CARD14: variants seen among roughly 807,000 people sequenced by gnomAD.
CARD14 encodes the protein caspase recruitment domain family member 14.
CARD14 carries 107 observed loss-of-function variants against 111.5 expected under a neutral mutation model. The ratio of observed to expected loss-of-function variants is 0.96; its 90% confidence interval spans 0.82 to 1.13. The LOEUF is 1.13. Ranked by LOEUF, CARD14 falls within the 50% of genes most tolerant of loss-of-function variation. The pLI, the probability that CARD14 is intolerant of heterozygous loss-of-function variation, is 0.00. For synonymous variants in CARD14, 617 were observed against 579.6 expected (o/e 1.06, Z -0.93); for missense variants, 1,322 against 1,362.3 (o/e 0.97, Z 0.47).
intron 2 of CARD14, among the ~76,000 whole-genome samples, chr17:80,174,765 G>A (rs2039985009): frequency 6.6e-6 from 1 of 152,100 alleles, no homozygotes. Context: ...CCCCACTCCT[G>A]CTGAGGACTC....
intron 4 of CARD14, among the ~76,000 whole-genome samples, chr17:80,179,831 C>T (rs2040113124): frequency 6.6e-6 from 1 of 151,422 alleles, no homozygotes; most frequent in South Asian, 2.1e-4. Flanking sequence ...GACCCTACCT[C>T]AAAAAAAATC....
chr17:80,184,609 G>A (rs1054771615), intron 7 of CARD14, among the ~76,000 whole-genome samples: 22 of 152,220 alleles, frequency 1.4e-4, no homozygotes, highest in African/African-American at 4.1e-4. Context: ...TGGGATAGTC[G>A]GCCTCTGTCA....
rs773795280 is a variant in CARD14 at position 80,182,864 on chromosome 17, G to A, written c.349+74G>A. The stretch of plus-strand genomic sequence containing the variant: ...GGCTCCTGGTAACCCCAGGTGCCCC[G>A]CTTACTTGCCGATTTGCCCTACTCC... On this transcript the variant is annotated intron_variant, in intron 6 of 23. Coordinates refer to ENST00000648509, the MANE Select transcript of CARD14 (RefSeq NM_001366385.1). The surrounding 1 kb of genome is among the most constrained non-coding windows in gnomAD (Gnocchi z 4.7). 1.3e-4 allele frequency: 202 copies of A among 1,569,392 alleles called. No homozygotes were observed. The highest frequency in any genetic ancestry group is 4.7e-4 in the Admixed American group (27 of 57,684).
Position 80,195,856 on chromosome 17 carries a change from C to T in CARD14, c.1594+204C>T, listed in dbSNP as rs796938602. 7.3e-5 allele frequency: 42 copies of T among 575,056 alleles called. No homozygotes were observed. Among genetic ancestry groups the T allele is most frequent in the African/African-American group, 6.6e-4 (35 of 53,078 alleles). The allele number at this position is 575,056 out of a possible 1,614,324, so 35.6% of individuals were successfully genotyped here. The stretch of plus-strand genomic sequence containing the variant: ...GCCAGCGTAAGCCAAAGGCCGGCTG[C>T]GCTCTGTCTGCTGGTGTCCTTGTGT... On this transcript the variant is annotated intron_variant, in intron 14 of 23. Coordinates refer to ENST00000648509, the MANE Select transcript of CARD14 (RefSeq NM_001366385.1). The surrounding 1 kb of genome is among the most constrained non-coding windows in gnomAD (Gnocchi z 4.7).
chr17:80,181,582 G>A lies in CARD14; in HGVS notation c.144G>A (p.Val48=), dbSNP rs1253040102. 2.6e-6 allele frequency: 4 copies of A among 1,563,438 alleles called. No individual in the cohort carries two copies. Among genetic ancestry groups the A allele is most frequent in the South Asian group, 1.2e-5 (1 of 84,842 alleles). Residue 48 remains valine (V), a synonymous_variant, in exon 5 of 24, where the codon GTG becomes GTA. Transcript: ENST00000648509. ...RLTPYLRQAK[V]LCQLDEEEVL... ...CCCCCTACCTGCGCCAGGCCAAGGT[G>A]CTGTGCCAGCTGGACGAGGAGGAGG... is the stretch of plus-strand genomic sequence containing the variant.
At chr17:80,183,257 G>A (rs1232253548) in intron 6 of CARD14, among the ~76,000 whole-genome samples, 1 of 152,134 alleles carries the variant, frequency 6.6e-6, no homozygotes, top group African/African-American at 2.4e-5. Context: ...TTTCCTTCAG[G>A]GAGTAATTCT....
Position 80,190,879 on chromosome 17 carries a change from C to T in CARD14, c.1069C>T (p.Leu357=), listed in dbSNP as rs552007795. 4.3e-6 allele frequency: 7 copies of T among 1,613,998 alleles called. No homozygotes were observed. The African/African-American group carries it at 8.0e-5, about 18-fold the overall frequency. ...TGCGCTGCAGGCCCAGGTGTGCGAGCTGCAGAAGGAGCGAGACCAGGTACC... is the reference window on the plus strand; with the variant it reads ...TGCGCTGCAGGCCCAGGTGTGCGAGTTGCAGAAGGAGCGAGACCAGGTACC... ...VNALQAQVCE[L]QKERDQAYSA... The change falls in exon 10 of 24, where the codon CTG becomes TTG. Residue 357 remains leucine (L), a synonymous_variant. Coordinates refer to ENST00000648509, the MANE Select transcript of CARD14 (RefSeq NM_001366385.1).
intron 18 of CARD14, chr17:80,202,797 T>C (rs1226215935): frequency 7.7e-6 from 2 of 258,700 alleles, no homozygotes; most frequent in African/African-American, 2.2e-5. Flanking sequence ...ATGCCCCAGC[T>C]GTGACAACCA....
At chr17:80,202,757 C>A (rs1029817054) in intron 18 of CARD14, 2 of 396,054 alleles carry the variant, frequency 5.0e-6, no homozygotes, top group East Asian at 7.0e-5. Context: ...CATCCCTGGC[C>A]GCCCTACCCA....
rs1598634802 is a variant in CARD14 at position 80,181,652 on chromosome 17, G to A, written c.211+3G>A. 6.5e-7 allele frequency: 1 copy of A among 1,543,462 alleles called. No individual in the cohort carries two copies. Among genetic ancestry groups the A allele is most frequent in the Non-Finnish European group, 8.7e-7 (1 of 1,145,632 alleles). On this transcript the variant is annotated splice_donor_region_variant and intron_variant, in intron 5 of 23. Transcript: ENST00000648509. ...CACCAACAGCGCCATGCGGGCCGGT[G>A]AGCGCAGCTCCCTCTTCCCCACCTC... is the stretch of plus-strand genomic sequence containing the variant.
In CARD14 at chr17:80,189,710, T is replaced by A. The variant is rs376853781; in HGVS notation, c.844-43T>A. The A allele has an allele frequency of 6.0e-6, 9 of 1,506,772 alleles. No homozygotes were observed. Among genetic ancestry groups the A allele is most frequent in the Admixed American group, 2.6e-5 (1 of 39,194 alleles). The allele number at this position is 1,506,772 out of a possible 1,614,324, so 93.3% of individuals were successfully genotyped here. On this transcript the variant is annotated intron_variant, in intron 8 of 23. Transcript: ENST00000648509. This position sits in a 1 kb window ranked among gnomAD's most constrained non-coding sequence, Gnocchi z 4.7. The stretch of plus-strand genomic sequence containing the variant: ...GGATTCTGCTTGCCTAGGGCAGGCC[T>A]CTGGGGAAGCCAGCACCCCAGGCTG...
chr17:80,204,400 G>T, intron 20 of CARD14, 59 bp downstream of exon 20: 1 of 1,468,540 alleles, frequency 6.8e-7, no homozygotes, highest in South Asian at 1.3e-5. Context: ...GGGGCTTTGG[G>T]AGCTGCTGCT....
chr17:80,188,525 G>A lies in CARD14; in HGVS notation c.824G>A (p.Arg275His), dbSNP rs117360605. 2.6e-5 allele frequency: 40 copies of A among 1,521,854 alleles called. No homozygotes were observed. The East Asian group carries it at 6.4e-4, about 24-fold the overall frequency. 94.3% of individuals were successfully genotyped at this position (1,521,854 alleles called of 1,614,324 possible). A position where few individuals can be genotyped will look rare whatever the true frequency, so the allele number is the denominator to read the frequency against. ...NRLKEENEKL[R>H]SLTFSLAEKD... ...CTGAAGGAGGAGAATGAGAAACTGC[G>A]CTCGCTGACTTTCAGCCTGGTAGGT... The change falls in exon 8 of 24, where the codon CGC (arginine) becomes CAC (histidine). Residue 275 changes from arginine (R) to histidine (H), a missense_variant. By Grantham distance (29) the Arg-to-His change is conservative. Transcript: ENST00000648509. This position sits in a 1 kb window ranked among gnomAD's most constrained non-coding sequence, Gnocchi z 4.5.
chr17:80,181,756 A>G, intron 5 of CARD14, 107 bp downstream of exon 5: 4 of 1,041,466 alleles, frequency 3.8e-6, no homozygotes, highest in Non-Finnish European at 5.4e-6. Context: ...GTCTCTTATA[A>G]AAACACTTGC....
At chr17:80,179,691 G>A (rs564493404) in intron 4 of CARD14, among the ~76,000 whole-genome samples, 2 of 152,260 alleles carry the variant, frequency 1.3e-5, no homozygotes, top group South Asian at 2.1e-4. Flanking sequence ...AAGAAGCCAG[G>A]CATGGTGGCG....
At chr17:80,199,788 A>ATT (rs1389389779) in intron 16 of CARD14, among the ~76,000 whole-genome samples, 11 of 150,464 alleles carry the variant, frequency 7.3e-5, no homozygotes, top group Non-Finnish European at 1.5e-4. Context: ...AGGCAGGAGA[A>ATT]TCACTTGAAC....
At chr17:80,185,369 T>A (rs778827532) in intron 7 of CARD14, among the ~76,000 whole-genome samples, 15 of 152,246 alleles carry the variant, frequency 9.9e-5, no homozygotes, top group Non-Finnish European at 1.9e-4. Flanking sequence ...CCTTTAATCA[T>A]GACATTTGTT....
At position 80,189,708 on chromosome 17, in the gene CARD14, C is replaced by A; in HGVS notation, c.844-45C>A. 7 of 1,502,012 alleles carry A rather than the reference C, an allele frequency of 4.7e-6. No individual in the cohort carries two copies. The highest frequency in any genetic ancestry group is 6.2e-6 in the Non-Finnish European group (7 of 1,132,664). The allele number at this position is 1,502,012 out of a possible 1,614,324, so 93.0% of individuals were successfully genotyped here. On this transcript the variant is annotated intron_variant, in intron 8 of 23. Transcript: ENST00000648509. This position sits in a 1 kb window ranked among gnomAD's most constrained non-coding sequence, Gnocchi z 4.7. ...CGGGATTCTGCTTGCCTAGGGCAGG[C>A]CTCTGGGGAAGCCAGCACCCCAGGC...
At position 80,204,263 on chromosome 17, in the gene CARD14, G is replaced by A. The variant is rs138833596; in HGVS notation, c.2320G>A (p.Val774Ile). 1.9e-4 allele frequency: 300 copies of A among 1,598,876 alleles called. No individual in the cohort carries two copies. The highest frequency in any genetic ancestry group is 3.4e-4 in the Admixed American group (20 of 59,578). Reference protein sequence around the residue: ...SGGPQKLVRIVSMDKAKASPL... With the variant: ...SGGPQKLVRIISMDKAKASPL... Reference sequence around the variant, plus strand: ...GGGACCACAGAAGCTGGTCCGCATCGTCAGTATGGACAAAGCCAAGGCCAG... The same window carrying A: ...GGGACCACAGAAGCTGGTCCGCATCATCAGTATGGACAAAGCCAAGGCCAG... Residue 774 changes from valine to isoleucine, a missense_variant, in exon 20 of 24, where the codon GTC becomes ATC. Physicochemically the swap from Val to Ile is conservative, Grantham distance 29 (BLOSUM62 3). Coordinates refer to ENST00000648509, the MANE Select transcript of CARD14 (RefSeq NM_001366385.1).
Sources: gnomAD v4.1 joint callset for allele counts (sites outside exome capture counted in the v4.1 genomes callset) on GRCh38, gnomAD v4.1.1 for gene constraint, Gnocchi (gnomAD v3.1) non-coding constraint, MANE v1.5 for transcripts, NCBI Gene and HGNC (gene_info 2026-07-23, HGNC 2026-07-21) for gene names.